The following TMEM255B variants were observed in gnomAD, a reference collection of about 807,000 sequenced individuals.
TMEM255B encodes family with sequence similarity 70, member B.
In TMEM255B, 35 loss-of-function variants were observed where a neutral mutation model predicts 34.5. That is an observed-to-expected ratio of 1.01 (90% CI 0.77 to 1.34). The LOEUF (loss-of-function observed/expected upper bound fraction) is 1.34. Ranked by LOEUF, TMEM255B falls within the 40% of genes most tolerant of loss-of-function variation. TMEM255B has a pLI of 0.00. For synonymous variants in TMEM255B, 206 were observed against 201.2 expected, an observed-to-expected ratio of 1.02 and a Z score of -0.20; for missense variants, 432 against 433.2, an observed-to-expected ratio of 1.00 and a Z score of 0.02.
At chr13:113,803,938 C>T (rs80081824) in intron 7 of TMEM255B, among the ~76,000 whole-genome samples, 3 of 15,248 alleles carry the variant, frequency 2.0e-4, no homozygotes, top group African/African-American at 7.2e-4. Flanking sequence ...ACCGTGTCCC[C>T]GGGTCGTCAC....
chr13:113,799,958 C>G (rs1318859221), intron 5 of TMEM255B: 2 of 1,286,432 alleles, frequency 1.6e-6, no homozygotes, highest in Non-Finnish European at 2.0e-6. Context: ...TAAACGCAGC[C>G]TCTCATCCTC....
rs796516288 is a variant in TMEM255B, at chr13:113,790,534, G to A, written c.253-4614G>A. 5.1e-5 allele frequency among the ~76,000 whole-genome samples: 6 copies of A among 118,276 alleles called. 1 individual carries two copies. The highest frequency in any genetic ancestry group is 2.0e-4 in the African/African-American group (6 of 30,620). 77.6% of individuals were successfully genotyped at this position (118,276 alleles called of 152,430 possible). A position where few individuals can be genotyped will look rare whatever the true frequency, so the allele number is the denominator to read the frequency against. On this transcript the variant is annotated intron_variant, in intron 3 of 8. Coordinates refer to ENST00000375353, the MANE Select transcript of TMEM255B (RefSeq NM_182614.4). ...TCCTAGCTGTGGACTGACCGGACAC[G>A]TGGACATCCTAGCACTGAACTGACT...
intron 3 of TMEM255B, among the ~76,000 whole-genome samples, chr13:113,794,766 G>T (rs1182341642): frequency 1.3e-5 from 2 of 152,280 alleles, no homozygotes; most frequent in East Asian, 3.9e-4. Flanking sequence ...TTGTGCGACA[G>T]TGTGTGAAGC....
intron 4 of TMEM255B, among the ~76,000 whole-genome samples, chr13:113,797,135 C>T (rs375177945): frequency 9.2e-5 from 14 of 152,308 alleles, no homozygotes; most frequent in South Asian, 6.2e-4. Flanking sequence ...CCCCAGGTTC[C>T]GGACCTCGGG....
rs115838380 is a variant in TMEM255B, at chr13:113,800,506, C to T, written c.424-321C>T. Among the ~76,000 whole-genome samples the T allele has an allele frequency of 8.8e-3, 1,334 of 152,230 alleles. 15 individuals are homozygous for T. Among genetic ancestry groups the T allele is most frequent in the African/African-American group, 0.031 (1,294 of 41,508 alleles). On this transcript the variant is annotated intron_variant, in intron 5 of 8. Coordinates refer to ENST00000375353, the MANE Select transcript of TMEM255B (RefSeq NM_182614.4). The stretch of plus-strand genomic sequence containing the variant: ...GCTTCTGTGCACCCCACGCCGAAGG[C>T]CTCCTGGGCTCTGTCCTTCTGCCCA...
intron 3 of TMEM255B, among the ~76,000 whole-genome samples, chr13:113,785,330 C>T (rs2050724612): frequency 6.7e-6 from 1 of 150,314 alleles, no homozygotes; most frequent in Non-Finnish European, 1.5e-5. Context: ...TTCTGATTTC[C>T]ACCTGCACTT....
rs982938505 is a variant in TMEM255B at position 113,806,783 on chromosome 13, G to A, written c.813+1755G>A. ...CTTCTCTCTGGCCTCCTGGTCTCCC[G>A]TGGGAAGTTTGCCAAGCCCAGAACT... On this transcript the variant is annotated intron_variant, in intron 8 of 8. Transcript: ENST00000375353. This position sits in a 1 kb window ranked among gnomAD's most constrained non-coding sequence, Gnocchi z 4.2. 3.3e-5 allele frequency among the ~76,000 whole-genome samples: 5 copies of A among 151,574 alleles called. No individual in the cohort carries two copies. The highest frequency in any genetic ancestry group is 6.6e-5 in the Admixed American group (1 of 15,200).
At chr13:113,780,708 G>C (rs2050653820) in intron 3 of TMEM255B, among the ~76,000 whole-genome samples, 2 of 152,142 alleles carry the variant, frequency 1.3e-5, no homozygotes, top group Admixed American at 1.3e-4. Flanking sequence ...TCAGAAACCT[G>C]TATTGAAGAG....
At chr13:113,796,165 T>C (rs1170230760) in intron 4 of TMEM255B, among the ~76,000 whole-genome samples, 52 of 49,720 alleles carry the variant, frequency 1.0e-3, no homozygotes, top group Admixed American at 1.2e-3. Flanking sequence ...ACAGAGCACA[T>C]AGCACACACC....
At chr13:113,807,589 G>A (rs1320769533) in intron 8 of TMEM255B, among the ~76,000 whole-genome samples, 1 of 125,174 alleles carries the variant, frequency 8.0e-6, no homozygotes, top group Non-Finnish European at 1.7e-5. Flanking sequence ...TGTGGGGGTG[G>A]TCCTCCCTGT....
chr13:113,800,403 T>A (rs2051030399), intron 5 of TMEM255B, among the ~76,000 whole-genome samples: 1 of 150,056 alleles, frequency 6.7e-6, no homozygotes, highest in South Asian at 2.1e-4. Context: ...AGGTGTCTCT[T>A]CTGAGGCTGC....
At chr13:113,791,291 G>A (rs1043784308) in intron 3 of TMEM255B, among the ~76,000 whole-genome samples, 1 of 152,214 alleles carries the variant, frequency 6.6e-6, no homozygotes, top group African/African-American at 2.4e-5. Context: ...ACCCAGCAGA[G>A]CCTGGATGAG....
At position 113,811,894 on chromosome 13, in the gene TMEM255B, C is replaced by A; in HGVS notation, c.972C>A (p.Tyr324Ter). 1 of 1,609,930 alleles carries A rather than the reference C, an allele frequency of 6.2e-7. No homozygotes were observed. The highest frequency in any genetic ancestry group is 8.5e-7 in the Non-Finnish European group (1 of 1,178,270). ...CCCCGGGGGAGAAGCCACCCCCCTA[C>A]GCACCCTGATAGAGGCGTGGAGTAA... ...YFPPGEKPPP[Y>*]AP is the part of the protein sequence containing the mutation. Residue 324 changes from tyrosine (Y) to a stop codon, truncating the protein, a stop_gained, in exon 9 of 9, where the codon TAC (tyrosine) becomes TAA (stop). Coordinates refer to ENST00000375353, the MANE Select transcript of TMEM255B (RefSeq NM_182614.4). LOFTEE classifies it high-confidence loss of function.
chr13:113,801,913 A>G, intron 7 of TMEM255B, 101 bp downstream of exon 7: 2 of 1,312,918 alleles, frequency 1.5e-6, no homozygotes, highest in Non-Finnish European at 2.1e-6. Context: ...CACTTTACAG[A>G]TGGGGCACTG....
At chr13:113,779,312 A>T (rs1422544456) in intron 3 of TMEM255B, among the ~76,000 whole-genome samples, 6 of 152,180 alleles carry the variant, frequency 3.9e-5, no homozygotes, top group African/African-American at 1.2e-4. Context: ...GTTGAAAAGG[A>T]CGAGGGGTGA....
In TMEM255B at chr13:113,768,225, C is replaced by T. The variant is rs186366005; in HGVS notation, c.190-873C>T. The T allele has an allele frequency of 1.1e-3, 509 of 470,498 alleles. 1 individual carries two copies. Among genetic ancestry groups the T allele is most frequent in the African/African-American group, 9.3e-3 (468 of 50,196 alleles). 29.1% of individuals were successfully genotyped at this position (470,498 alleles called of 1,614,324 possible). A position where few individuals can be genotyped will look rare whatever the true frequency, so the allele number is the denominator to read the frequency against. On this transcript the variant is annotated intron_variant, in intron 2 of 8. Transcript: ENST00000375353. ...GAGCCGTCTTAGGCCTCGGCACGGT[C>T]GTTGGCAGGTCCATGTTGGCTGCTC...
At chr13:113,779,234 G>A (rs1211378154) in intron 3 of TMEM255B, among the ~76,000 whole-genome samples, 1 of 152,198 alleles carries the variant, frequency 6.6e-6, no homozygotes, top group African/African-American at 2.4e-5. Flanking sequence ...TTTTAATCAA[G>A]GGGAACTTAA....
intron 8 of TMEM255B, 147 bp from the exon 9 acceptor site, chr13:113,811,589 T>C (rs2051309031): frequency 1.2e-6 from 1 of 839,988 alleles, no homozygotes; most frequent in Non-Finnish European, 1.8e-6. Flanking sequence ...GGGGGGCCCA[T>C]GTGAATGGCC....
intron 3 of TMEM255B, among the ~76,000 whole-genome samples, chr13:113,793,597 A>G (rs1432292397): frequency 6.6e-6 from 1 of 152,192 alleles, no homozygotes; most frequent in African/African-American, 2.4e-5. Context: ...CCGCTGCCCC[A>G]GCCCTACCGC....
Sources: allele counts gnomAD v4.1 joint callset (sites outside exome capture counted in the v4.1 genomes callset), GRCh38; gene constraint gnomAD v4.1.1; non-coding constraint Gnocchi (gnomAD v3.1); transcripts MANE v1.5; gene names NCBI Gene and HGNC (gene_info 2026-07-23, HGNC 2026-07-21).